Variants in IMMP2L observed in about 807,000 individuals in gnomAD.
IMMP2L encodes the protein inner mitochondrial membrane peptidase subunit 2.
IMMP2L carries 18 observed loss-of-function variants against 19.3 expected under a neutral mutation model. That is an observed-to-expected ratio of 0.93 (90% CI 0.64 to 1.38). The LOEUF (loss-of-function observed/expected upper bound fraction) is 1.38, where lower values mean the gene tolerates loss of function less well. IMMP2L is among the 40% of genes most tolerant of loss of function. The pLI is 0.00. For synonymous variants in IMMP2L, 76 were observed against 73.0 expected (o/e 1.04, Z -0.21); for missense variants, 233 against 218.2 (o/e 1.07, Z -0.43).
At chr7:111,018,904 C>G (rs1475028877) in intron 3 of IMMP2L, among the ~76,000 whole-genome samples, 6 of 150,900 alleles carry the variant, frequency 4.0e-5, no homozygotes, top group African/African-American at 1.5e-4. Context: ...AATCCTACAC[C>G]TACATTTGCA....
chr7:111,112,397 C>G (rs557789497), intron 3 of IMMP2L, among the ~76,000 whole-genome samples: 1 of 152,286 alleles, frequency 6.6e-6, no homozygotes, highest in African/African-American at 2.4e-5. Context: ...AGAGTGCCAC[C>G]AAGTCATCTC....
intron 2 of IMMP2L, among the ~76,000 whole-genome samples, chr7:111,517,447 CA>C (rs11438855): frequency 1.9e-3 from 260 of 140,404 alleles, no homozygotes; most frequent in Middle Eastern, 7.1e-3. Context: ...GTATCAATTG[CA>C]AAAAAAAAAA....
chr7:110,694,873 G>T (rs1793766137), intron 5 of IMMP2L, among the ~76,000 whole-genome samples: 1 of 151,788 alleles, frequency 6.6e-6, no homozygotes, highest in Non-Finnish European at 1.5e-5. Context: ...ATATGCAAAA[G>T]ATTATTCATC....
At chr7:111,300,375 T>G (rs1822089963) in intron 3 of IMMP2L, among the ~76,000 whole-genome samples, 1 of 152,012 alleles carries the variant, frequency 6.6e-6, no homozygotes, top group Admixed American at 6.6e-5. Flanking sequence ...GAGTAAAGGG[T>G]TTTTCTTTAA....
chr7:111,438,520 T>G (rs1348075531), intron 3 of IMMP2L, among the ~76,000 whole-genome samples: 2 of 151,892 alleles, frequency 1.3e-5, no homozygotes, highest in Admixed American at 1.3e-4. Context: ...TAATCAAAGT[T>G]AAATGCTAGA....
At position 110,870,711 on chromosome 7, in the gene IMMP2L, C is replaced by A. The variant is rs1047023335; in HGVS notation, c.408+15882G>T. Among the ~76,000 whole-genome samples the A allele has an allele frequency of 2.0e-5, 3 of 152,024 alleles. No homozygotes were observed. Among genetic ancestry groups the A allele is most frequent in the Non-Finnish European group, 4.4e-5 (3 of 68,022 alleles). On this transcript the variant is annotated intron_variant, in intron 5 of 5. Transcript: ENST00000405709. This position sits in a 1 kb window ranked among gnomAD's most constrained non-coding sequence, Gnocchi z 4.2. ...TCTAGCTAGGACAAAAGGCCTTTCA[C>A]CTGTTCAAAGAATGGAAAGATCAGA...
chr7:110,762,250 T>A (rs1798393457), intron 5 of IMMP2L, among the ~76,000 whole-genome samples: 2 of 152,104 alleles, frequency 1.3e-5, no homozygotes, highest in Non-Finnish European at 2.9e-5. Flanking sequence ...TCACTTTTTT[T>A]TTTTCCCCAT....
chr7:111,424,094 C>G (rs1225116043), intron 3 of IMMP2L, among the ~76,000 whole-genome samples: 1 of 151,854 alleles, frequency 6.6e-6, no homozygotes, highest in Non-Finnish European at 1.5e-5. Flanking sequence ...CTGTTCTTCA[C>G]AAAATCCATT....
intron 3 of IMMP2L, among the ~76,000 whole-genome samples, chr7:111,086,193 G>A (rs776853120): frequency 3.3e-5 from 5 of 151,316 alleles, no homozygotes; most frequent in Admixed American, 6.6e-5. Flanking sequence ...TTGGAAGGCC[G>A]AGGTGGAAGG....
intron 4 of IMMP2L, among the ~76,000 whole-genome samples, chr7:110,961,861 C>G (rs1408412832): frequency 6.6e-6 from 1 of 151,704 alleles, no homozygotes; most frequent in Non-Finnish European, 1.5e-5. Context: ...CTGGAGAAGG[C>G]TAAACTCTAG....
chr7:110,820,108 C>A (rs1043210202), intron 5 of IMMP2L, among the ~76,000 whole-genome samples: 1 of 151,990 alleles, frequency 6.6e-6, no homozygotes, highest in Admixed American at 6.6e-5. Flanking sequence ...CCACCTAACT[C>A]CTAAAATAGA....
At chr7:110,673,579 A>T (rs1436701654) in intron 5 of IMMP2L, among the ~76,000 whole-genome samples, 1 of 152,204 alleles carries the variant, frequency 6.6e-6, no homozygotes, top group Non-Finnish European at 1.5e-5. Context: ...TACCTCTTGA[A>T]TGCTTTGCTG....
chr7:111,188,195 G>A (rs773333202), intron 3 of IMMP2L, among the ~76,000 whole-genome samples: 15 of 152,136 alleles, frequency 9.9e-5, no homozygotes, highest in Non-Finnish European at 1.9e-4. Flanking sequence ...TTCAATAACA[G>A]CTTAAATAAA....
intron 3 of IMMP2L, among the ~76,000 whole-genome samples, chr7:111,410,736 A>G (rs1479944837): frequency 6.6e-6 from 1 of 151,858 alleles, no homozygotes; most frequent in Admixed American, 6.6e-5. Flanking sequence ...AGAATCACCA[A>G]ATTAAGTGTC....
chr7:111,149,404 G>A (rs1803834753), intron 3 of IMMP2L, among the ~76,000 whole-genome samples: 1 of 152,108 alleles, frequency 6.6e-6, no homozygotes, highest in African/African-American at 2.4e-5. Flanking sequence ...GTTTAGGGGT[G>A]TCAACCCCCA....
At chr7:110,705,046 T>C (rs1794554471) in intron 5 of IMMP2L, among the ~76,000 whole-genome samples, 1 of 152,206 alleles carries the variant, frequency 6.6e-6, no homozygotes, top group Non-Finnish European at 1.5e-5. Context: ...TTATTATTAT[T>C]TCCACCAGAA....
Position 111,470,869 on chromosome 7 carries a change from G to T in IMMP2L, c.239+16369C>A, listed in dbSNP as rs1841194287. Among the ~76,000 whole-genome samples the T allele has an allele frequency of 2.7e-5, 4 of 150,660 alleles. No individual in the cohort carries two copies. In the South Asian group the frequency reaches 8.3e-4, roughly 31 times the overall value. On this transcript the variant is annotated intron_variant, in intron 3 of 5. Coordinates refer to ENST00000405709, the MANE Select transcript of IMMP2L (RefSeq NM_032549.4). ...GTGCTCATGTACCCTAAAACTTAAA[G>T]TATAATAATAATAAAATAAATAAAT...
chr7:111,136,069 C>T (rs907061152), intron 3 of IMMP2L, among the ~76,000 whole-genome samples: 9 of 151,592 alleles, frequency 5.9e-5, no homozygotes, highest in Non-Finnish European at 1.2e-4. Flanking sequence ...TGCTCTGTTG[C>T]CCAGGCTGGA....
At chr7:110,869,202 TTTAA>T (rs2129543661) in intron 5 of IMMP2L, among the ~76,000 whole-genome samples, 1 of 152,050 alleles carries the variant, frequency 6.6e-6, no homozygotes, top group African/African-American at 2.4e-5. Flanking sequence ...AAAACACATA[TTTAA>T]TTAACACACT....
Sources: allele counts gnomAD v4.1 joint callset (sites outside exome capture counted in the v4.1 genomes callset), GRCh38; gene constraint gnomAD v4.1.1; non-coding constraint Gnocchi (gnomAD v3.1); transcripts MANE v1.5; gene names NCBI Gene and HGNC (gene_info 2026-07-23, HGNC 2026-07-21).